YY1AP1: variants seen among roughly 807,000 people sequenced by gnomAD.
The protein encoded by YY1AP1 is YY1 associated protein 1, also known as YY1-associated protein 1.
A neutral mutation model predicts 39.9 loss-of-function variants in YY1AP1; 43 were observed. The observed-to-expected ratio is 1.08, with a 90% CI of 0.84 to 1.39. The LOEUF is 1.39. Among genes scored for constraint, YY1AP1 ranks in the 40% most tolerant of loss-of-function variants. YY1AP1 has a pLI of 0.00. For missense variants in YY1AP1, 813 were observed against 900.7 expected (o/e 0.90, Z 1.25); for synonymous variants, 292 against 331.3 (o/e 0.88, Z 1.29).
chr1:155,688,974 C>T (rs1653227722), upstream of YY1AP1: 4 of 1,608,678 alleles, frequency 2.5e-6, no homozygotes, highest in East Asian at 9.0e-5. Flanking sequence ...CCTCCTCCTC[C>T]ATGGGACCGC....
chr1:155,686,298 C>T (rs543492447), intron 2 of YY1AP1, among the ~76,000 whole-genome samples: 1 of 151,988 alleles, frequency 6.6e-6, no homozygotes, highest in South Asian at 2.1e-4. Flanking sequence ...CCTCGTGATC[C>T]GCCCACCTCG....
Position 155,679,524 on chromosome 1 carries a change from G to A in YY1AP1, c.22-12C>T. The A allele has an allele frequency of 6.2e-7, 1 of 1,614,118 alleles. No homozygotes were observed. On this transcript the variant is annotated splice_polypyrimidine_tract_variant and intron_variant, in intron 3 of 10. Transcript: ENST00000355499. ...ATCTCATCTTGGAACTGTGGGCAAAGGAAAGGGAGGGTTTTCCTGGGGAAT... is the reference window on the plus strand; with the variant it reads ...ATCTCATCTTGGAACTGTGGGCAAAAGAAAGGGAGGGTTTTCCTGGGGAAT...
intron 9 of YY1AP1, among the ~76,000 whole-genome samples, chr1:155,664,893 C>T (rs1648721613): frequency 6.6e-6 from 1 of 151,494 alleles, no homozygotes; most frequent in South Asian, 2.1e-4. Context: ...CCTCAGCCTC[C>T]AGAGTACCTG....
rs776484101 is a variant in YY1AP1 at position 155,679,444 on chromosome 1, C to T, written c.90G>A (p.Glu30=). The part of the protein sequence containing the change: ...DGPEEEERVA[E]PQANFNTPQA... The stretch of plus-strand genomic sequence containing the variant: ...GAGGGGTGTTAAAGTTAGCTTGAGG[C>T]TCAGCCACACGCTCCTCCTCTTCTG... The change falls in exon 4 of 11, where the codon GAG becomes GAA. Residue 30 remains glutamate (E), a synonymous_variant. Coordinates refer to ENST00000355499, the MANE Select transcript of YY1AP1 (RefSeq NM_139119.3). 48 of 1,614,106 alleles carry T rather than the reference C, an allele frequency of 3.0e-5. No individual in the cohort carries two copies. In the South Asian group the frequency reaches 5.0e-4, roughly 17 times the overall value.
intron 10 of YY1AP1, 31 bp from the exon 11 acceptor site, chr1:155,660,944 A>G (rs766530503): frequency 1.2e-6 from 2 of 1,613,772 alleles, no homozygotes; most frequent in Admixed American, 1.7e-5. Context: ...CTGATCCAGC[A>G]CATGTCAGAA....
In YY1AP1 at chr1:155,688,479, A is replaced by C. The variant is rs41264947; in HGVS notation, c.-152+180T>G. ...ACTCCGGCCATGTAGCGCGCACGTCAGCCCGCACGCGTACGAGTGTCTACG... is the reference window on the plus strand; with the variant it reads ...ACTCCGGCCATGTAGCGCGCACGTCCGCCCGCACGCGTACGAGTGTCTACG... On this transcript the variant is annotated intron_variant, in intron 1 of 10. Coordinates refer to ENST00000355499, the MANE Select transcript of YY1AP1 (RefSeq NM_139119.3). 5.7e-3 allele frequency: 8,760 copies of C among 1,549,640 alleles called. 50 individuals are homozygous for C. The highest frequency in any genetic ancestry group is 6.1e-3 in the Non-Finnish European group (6,966 of 1,146,788).
rs371056637 is a variant in YY1AP1, at chr1:155,668,684, T to G, written c.822A>C (p.Gln274His). The G allele has an allele frequency of 6.2e-7, 1 of 1,614,082 alleles. No homozygotes were observed. Among genetic ancestry groups the G allele is most frequent in the African/African-American group, 1.3e-5 (1 of 74,922 alleles). ...TGAGGTTCTTGATTCTCACTGTCAG[T>G]TGGCGGGCAGTCTTGCAGGTTAGAA... ...KYLLTCKTAR[Q>H]LTVRIKNLNM... The change falls in exon 9 of 11, where the codon CAA becomes CAC. Residue 274 changes from glutamine to histidine, a missense_variant. This residue lies in a region of YY1AP1 where 586 missense variants were observed against 647.4 expected (regional missense o/e 0.91). Coordinates refer to ENST00000355499, the MANE Select transcript of YY1AP1 (RefSeq NM_139119.3).
rs541622709 is a variant in YY1AP1, at chr1:155,684,344, T to G, written c.-21+3727A>C. Among the ~76,000 whole-genome samples, 97 of 152,234 alleles carry G rather than the reference T, an allele frequency of 6.4e-4. 3 individuals carry two copies. In the South Asian group the frequency reaches 0.019, roughly 30 times the overall value. On this transcript the variant is annotated intron_variant, in intron 2 of 10. Transcript: ENST00000355499. The stretch of plus-strand genomic sequence containing the variant: ...CACATACATGCACATATATGCACAC[T>G]ACACACACATATCACATGTACGTTT...
At chr1:155,681,032 ATTT>A (rs751422152) in intron 2 of YY1AP1, among the ~76,000 whole-genome samples, 17 of 142,958 alleles carry the variant, frequency 1.2e-4, no homozygotes, top group African/African-American at 4.1e-4. Flanking sequence ...GAGCTAGATG[ATTT>A]TTTTTTTTTT....
At chr1:155,687,862 G>C in intron 2 of YY1AP1, 1 of 534,486 alleles carries the variant, frequency 1.9e-6, no homozygotes. Flanking sequence ...CCCTCCGGGA[G>C]TCTGCCTGTC....
rs1558322076 is a variant in YY1AP1 at position 155,688,106 on chromosome 1, A to G, written c.-56T>C. On this transcript the variant is annotated 5_prime_UTR_variant, in exon 2 of 11. Coordinates refer to ENST00000355499, the MANE Select transcript of YY1AP1 (RefSeq NM_139119.3). ...GCCGAGAGCGATGAGAGTACAGGGA[A>G]GTGAGGAAGAGGGGGTGGCCGCCAG... 13 of 1,609,358 alleles carry G rather than the reference A, an allele frequency of 8.1e-6. No individual in the cohort carries two copies. The highest frequency in any genetic ancestry group is 1.1e-5 in the Non-Finnish European group (13 of 1,177,140).
At chr1:155,664,767 GA>G (rs1648696520) in intron 9 of YY1AP1, among the ~76,000 whole-genome samples, 1 of 140,564 alleles carries the variant, frequency 7.1e-6, no homozygotes, top group Non-Finnish European at 1.5e-5. Flanking sequence ...CATGAATGGA[GA>G]TTTTTTTTTT....
At chr1:155,672,463 T>A in intron 7 of YY1AP1, 97 bp downstream of exon 7, 1 of 1,533,646 alleles carries the variant, frequency 6.5e-7, no homozygotes, top group Non-Finnish European at 9.0e-7. Flanking sequence ...GTGTCCTCCA[T>A]TCCTAGGCAA....
chr1:155,672,088 C>T (rs776973715), intron 7 of YY1AP1, among the ~76,000 whole-genome samples: 9 of 152,310 alleles, frequency 5.9e-5, no homozygotes, highest in Middle Eastern at 6.8e-3. Context: ...CTCTAATTTA[C>T]GCCTAACTTG....
chr1:155,670,304 C>T lies in YY1AP1; in HGVS notation c.728+16G>A, dbSNP rs747459835. 2 of 1,611,940 alleles carry T rather than the reference C, an allele frequency of 1.2e-6. No homozygotes were observed. Among genetic ancestry groups the T allele is most frequent in the Admixed American group, 1.7e-5 (1 of 60,006 alleles). The stretch of plus-strand genomic sequence containing the variant: ...CTTCTCCTTGGGATATTTGATCCCC[C>T]AGAGTAAACACTTACTTGTCCTCAG... On this transcript the variant is annotated intron_variant, in intron 8 of 10. Coordinates refer to ENST00000355499, the MANE Select transcript of YY1AP1 (RefSeq NM_139119.3).
intron 9 of YY1AP1, among the ~76,000 whole-genome samples, chr1:155,665,716 C>T (rs753410266): frequency 2.8e-5 from 4 of 140,512 alleles, no homozygotes; most frequent in African/African-American, 5.4e-5. Flanking sequence ...AGTTCAAGAC[C>T]AAGACCAAGG....
intron 2 of YY1AP1, among the ~76,000 whole-genome samples, chr1:155,683,624 C>T (rs868611948): frequency 6.6e-6 from 1 of 151,936 alleles, no homozygotes; most frequent in South Asian, 2.1e-4. Flanking sequence ...CCACTGCATT[C>T]CAAACTGGGC....
chr1:155,688,686 C>T lies in YY1AP1; in HGVS notation c.-179G>A. 6.5e-7 allele frequency: 1 copy of T among 1,529,708 alleles called. No individual in the cohort carries two copies. Among genetic ancestry groups the T allele is most frequent in the Non-Finnish European group, 8.7e-7 (1 of 1,145,146 alleles). 94.8% of individuals were successfully genotyped at this position (1,529,708 alleles called of 1,614,324 possible). A position where few individuals can be genotyped will look rare whatever the true frequency, so the allele number is the denominator to read the frequency against. Reference sequence around the variant, plus strand: ...TCAGCGGCGCGAGCCCAAGCCTTCTCCACCTCCTCTTCTCTCCTCCCCCTC... The same window carrying T: ...TCAGCGGCGCGAGCCCAAGCCTTCTTCACCTCCTCTTCTCTCCTCCCCCTC... On this transcript the variant is annotated 5_prime_UTR_variant, in exon 1 of 11. Coordinates refer to ENST00000355499, the MANE Select transcript of YY1AP1 (RefSeq NM_139119.3).
intron 2 of YY1AP1, among the ~76,000 whole-genome samples, chr1:155,687,218 C>A (rs1652573594): frequency 6.6e-6 from 1 of 151,958 alleles, no homozygotes; most frequent in African/African-American, 2.4e-5. Context: ...GATATTTTGG[C>A]CCTTCACATT....
Sources: gnomAD v4.1 joint callset for allele counts (sites outside exome capture counted in the v4.1 genomes callset) on GRCh38, gnomAD v4.1.1 for gene constraint, gnomAD v4.1.1 regional missense constraint, MANE v1.5 for transcripts, NCBI Gene and HGNC (gene_info 2026-07-23, HGNC 2026-07-21) for gene names.